ARHGEF38: variants seen among roughly 807,000 people sequenced by gnomAD.
ARHGEF38 encodes the protein Rho guanine nucleotide exchange factor 38.
ARHGEF38 carries 79 observed loss-of-function variants against 79.9 expected under a neutral mutation model. The ratio of observed to expected loss-of-function variants is 0.99; its 90% CI spans 0.82 to 1.19. The LOEUF (loss-of-function observed/expected upper bound fraction) is 1.19. Ranked by LOEUF, ARHGEF38 falls within the 50% of genes most tolerant of loss-of-function variation. The probability of loss-of-function intolerance (pLI) is 0.00; values close to 1 mark genes in which losing one functional copy is unlikely to be tolerated. For missense variants in ARHGEF38, 962 were observed against 907.2 expected (o/e 1.06, Z -0.78); for synonymous variants, 366 against 328.3 (o/e 1.11, Z -1.24).
At chr4:105,595,378 T>C (rs1287825702) in intron 2 of ARHGEF38, among the ~76,000 whole-genome samples, 4 of 152,222 alleles carry the variant, frequency 2.6e-5, no homozygotes, top group Admixed American at 2.6e-4. Flanking sequence ...TTAAAATATA[T>C]ATAATTTTGT....
chr4:105,628,212 T>C (rs1461361116), intron 3 of ARHGEF38, among the ~76,000 whole-genome samples: 1 of 152,236 alleles, frequency 6.6e-6, no homozygotes, highest in African/African-American at 2.4e-5. Context: ...ATTTGTGAGA[T>C]TGTCCTTACC....
chr4:105,620,235 G>A (rs779919791), intron 3 of ARHGEF38, among the ~76,000 whole-genome samples: 13 of 152,188 alleles, frequency 8.5e-5, no homozygotes, highest in Non-Finnish European at 1.8e-4. Flanking sequence ...TTTCCACTTA[G>A]ATGGCAGTGT....
intron 7 of ARHGEF38, among the ~76,000 whole-genome samples, chr4:105,652,454 G>A (rs1284938943): frequency 6.6e-6 from 1 of 152,114 alleles, no homozygotes; most frequent in Non-Finnish European, 1.5e-5. Context: ...TTCTACAGTG[G>A]GAAGAATAGG....
intron 3 of ARHGEF38, among the ~76,000 whole-genome samples, chr4:105,625,755 G>A (rs28651640): frequency 0.035 from 5,367 of 152,174 alleles, 167 homozygotes; most frequent in African/African-American, 0.083. Context: ...TTTGATTTGG[G>A]GCAGCCAAAA....
chr4:105,659,310 C>G lies in ARHGEF38; in HGVS notation c.1490C>G (p.Thr497Ser). ...ILLNCLCSFITLLRDLMLVAQ... is the reference protein window; with the variant it reads ...ILLNCLCSFISLLRDLMLVAQ... Reference sequence around the variant, plus strand: ...TTGAACTGTCTATGCAGCTTCATTACCCTCCTTAGGGACCTGATGCTCGTG... The same window carrying G: ...TTGAACTGTCTATGCAGCTTCATTAGCCTCCTTAGGGACCTGATGCTCGTG... The change falls in exon 10 of 14, where the codon ACC (threonine) becomes AGC (serine). Residue 497 changes from threonine (T) to serine (S), a missense_variant. Transcript: ENST00000420470. The G allele has an allele frequency of 6.5e-7, 1 of 1,536,014 alleles. No individual in the cohort carries two copies. The highest frequency in any genetic ancestry group is 8.7e-7 in the Non-Finnish European group (1 of 1,146,876).
intron 1 of ARHGEF38, among the ~76,000 whole-genome samples, chr4:105,554,038 A>C (rs1725134069): frequency 6.6e-6 from 1 of 152,166 alleles, no homozygotes; most frequent in South Asian, 2.1e-4. Flanking sequence ...ACTATAAGTT[A>C]ATGTGTAAAA....
intron 1 of ARHGEF38, among the ~76,000 whole-genome samples, chr4:105,585,121 T>C (rs1391993973): frequency 1.3e-5 from 2 of 152,232 alleles, no homozygotes; most frequent in Non-Finnish European, 2.9e-5. Context: ...GGGATAATTG[T>C]TTGCTCTAGA....
At chr4:105,574,366 T>C (rs1026716866) in intron 1 of ARHGEF38, among the ~76,000 whole-genome samples, 35 of 151,902 alleles carry the variant, frequency 2.3e-4, no homozygotes, top group African/African-American at 8.0e-4. Context: ...ACCAACATAG[T>C]GAAACCCCAT....
At chr4:105,608,115 C>T (rs532239250) in intron 2 of ARHGEF38, among the ~76,000 whole-genome samples, 1 of 152,066 alleles carries the variant, frequency 6.6e-6, no homozygotes, top group Admixed American at 6.6e-5. Context: ...TTAGCTGTAA[C>T]CTTTTTAATT....
intron 3 of ARHGEF38, among the ~76,000 whole-genome samples, chr4:105,615,015 A>G (rs995743935): frequency 2.6e-5 from 4 of 152,224 alleles, no homozygotes; most frequent in African/African-American, 4.8e-5. Flanking sequence ...TTGGGCTTAA[A>G]GTATAGATTC....
intron 1 of ARHGEF38, among the ~76,000 whole-genome samples, chr4:105,554,669 A>G (rs968415813): frequency 6.6e-6 from 1 of 152,154 alleles, no homozygotes; most frequent in African/African-American, 2.4e-5. Context: ...TACTTGAAAT[A>G]TCTGAGCCTC....
chr4:105,590,600 T>C (rs142413601), intron 2 of ARHGEF38, among the ~76,000 whole-genome samples: 1 of 152,320 alleles, frequency 6.6e-6, no homozygotes, highest in Non-Finnish European at 1.5e-5. Flanking sequence ...TCAATATCTG[T>C]CTACTATTAC....
chr4:105,630,249 C>CTTTT (rs5860803), intron 3 of ARHGEF38, among the ~76,000 whole-genome samples: 1 of 139,950 alleles, frequency 7.1e-6, no homozygotes. Flanking sequence ...AACTGCAACT[C>CTTTT]TTTTTTTTTT....
chr4:105,651,120 T>G (rs529453919), intron 7 of ARHGEF38, among the ~76,000 whole-genome samples: 1 of 152,344 alleles, frequency 6.6e-6, no homozygotes, highest in East Asian at 1.9e-4. Context: ...AGCTGTTATA[T>G]TCTTTAAGAC....
intron 1 of ARHGEF38, among the ~76,000 whole-genome samples, chr4:105,579,772 T>G (rs1000947909): frequency 1.3e-5 from 2 of 152,166 alleles, no homozygotes; most frequent in African/African-American, 2.4e-5. Flanking sequence ...GAGTGCCTCC[T>G]CCTCAATTTT....
intron 9 of ARHGEF38, among the ~76,000 whole-genome samples, chr4:105,657,691 G>A (rs1245527318): frequency 1.3e-5 from 2 of 151,972 alleles, no homozygotes; most frequent in African/African-American, 2.4e-5. Flanking sequence ...TAGATTCTTT[G>A]TTTATCAAGG....
In ARHGEF38 at chr4:105,637,720, A is replaced by C. The variant is rs75368332; in HGVS notation, c.674+1300A>C. ...AAGCTTGCATTAGGTCTTTGGAACC[A>C]AGAAACAAGAAGAGAGGAGAGAGAG... is the stretch of plus-strand genomic sequence containing the variant. On this transcript the variant is annotated intron_variant, in intron 5 of 13. Coordinates refer to ENST00000420470, the MANE Select transcript of ARHGEF38 (RefSeq NM_001242729.2). 7.4e-3 allele frequency among the ~76,000 whole-genome samples: 1,123 copies of C among 152,270 alleles called. 17 individuals carry two copies. Among genetic ancestry groups the C allele is most frequent in the African/African-American group, 0.026 (1,076 of 41,558 alleles).
At chr4:105,610,183 A>G (rs976973431) in intron 2 of ARHGEF38, among the ~76,000 whole-genome samples, 8 of 152,166 alleles carry the variant, frequency 5.3e-5, no homozygotes, top group Non-Finnish European at 5.9e-5. Context: ...CAGAGAGGGG[A>G]ACAACACACA....
At chr4:105,604,317 A>G (rs116469511) in intron 2 of ARHGEF38, among the ~76,000 whole-genome samples, 2 of 152,312 alleles carry the variant, frequency 1.3e-5, no homozygotes, top group African/African-American at 4.8e-5. Flanking sequence ...AATTTACAAC[A>G]CAGATGGACT....
Sources: allele counts gnomAD v4.1 joint callset (sites outside exome capture counted in the v4.1 genomes callset), GRCh38; gene constraint gnomAD v4.1.1; transcripts MANE v1.5; gene names NCBI Gene and HGNC (gene_info 2026-07-23, HGNC 2026-07-21).